The following ADGRL3 variants were observed in gnomAD, a reference collection of about 807,000 sequenced individuals.
The protein encoded by ADGRL3 is calcium-independent alpha-latrotoxin receptor 3.
A neutral mutation model predicts 153.5 loss-of-function variants in ADGRL3; 62 were observed. The ratio of observed to expected loss-of-function variants is 0.40; its 90% CI spans 0.33 to 0.50. The LOEUF is 0.50. Ranked by LOEUF, ADGRL3 falls within the 20% of genes least tolerant of loss-of-function variation. ADGRL3 has a pLI of 0.47. For synonymous variants in ADGRL3, 710 were observed against 672.5 expected (o/e 1.06, Z -0.86); for missense variants, 1,641 against 1,859.4 (o/e 0.88, Z 2.16).
intron 9 of ADGRL3, among the ~76,000 whole-genome samples, chr4:61,889,063 C>A (rs2098555016): frequency 6.6e-6 from 1 of 152,190 alleles, no homozygotes; most frequent in Non-Finnish European, 1.5e-5. Context: ...ATACTATATT[C>A]TCCACTGCCT....
At chr4:61,421,070 GGAGGCCGAGGTGGGTGGATCACCT>G (rs1186207050) in intron 2 of ADGRL3, among the ~76,000 whole-genome samples, 5 of 152,214 alleles carry the variant, frequency 3.3e-5, no homozygotes, top group Admixed American at 6.5e-5. Flanking sequence ...CAGCACTTTG[GGAGGCCGAGGTGGGTGGATCACCT>G]GAGGCCGAGG....
At chr4:61,650,983 G>T (rs1212425706) in intron 5 of ADGRL3, among the ~76,000 whole-genome samples, 3 of 152,010 alleles carry the variant, frequency 2.0e-5, no homozygotes, top group African/African-American at 7.2e-5. Flanking sequence ...AAGAATAATG[G>T]AAAATAGTAA....
intron 2 of ADGRL3, among the ~76,000 whole-genome samples, chr4:61,477,174 C>T (rs950208126): frequency 9.2e-5 from 14 of 151,996 alleles, no homozygotes; most frequent in Non-Finnish European, 1.5e-4. Context: ...ATTCAAATTA[C>T]GTAAAATCAA....
intron 9 of ADGRL3, among the ~76,000 whole-genome samples, chr4:61,814,840 G>A (rs2097670508): frequency 1.3e-5 from 2 of 152,050 alleles, no homozygotes; most frequent in African/African-American, 4.8e-5. Context: ...ATGTGCACGT[G>A]TCAGTTTTCC....
chr4:61,709,773 C>G (rs2095931823), intron 6 of ADGRL3, among the ~76,000 whole-genome samples: 1 of 151,958 alleles, frequency 6.6e-6, no homozygotes, highest in South Asian at 2.1e-4. Context: ...TGTATTCTGC[C>G]AGTAGTAGTT....
intron 5 of ADGRL3, among the ~76,000 whole-genome samples, chr4:61,592,991 C>A (rs1406974943): frequency 6.6e-6 from 1 of 152,024 alleles, no homozygotes. Flanking sequence ...CTTGCTTTTT[C>A]TTTTCTGTGT....
intron 2 of ADGRL3, among the ~76,000 whole-genome samples, chr4:61,416,489 T>A: frequency 6.6e-6 from 1 of 152,200 alleles, no homozygotes; most frequent in East Asian, 1.9e-4. Flanking sequence ...AAAAGGACAG[T>A]TGAACATTAA....
Position 62,071,044 on chromosome 4 carries a change from A to C in ADGRL3, c.*136A>C. 1 of 789,150 alleles carries C rather than the reference A, an allele frequency of 1.3e-6. No individual in the cohort carries two copies. Among genetic ancestry groups the C allele is most frequent in the Non-Finnish European group, 1.9e-6 (1 of 520,344 alleles). 48.9% of individuals were successfully genotyped at this position (789,150 alleles called of 1,614,324 possible). A position where few individuals can be genotyped will look rare whatever the true frequency, so the allele number is the denominator to read the frequency against. On this transcript the variant is annotated 3_prime_UTR_variant, in exon 27 of 27. Coordinates refer to ENST00000683033, the MANE Select transcript of ADGRL3 (RefSeq NM_001387552.1). ...TCTAAAGACAAACACAAACTCTCAG[A>C]CTTTTTTTTTTTTAATGGGATTTTT...
At chr4:61,244,441 T>C (rs1756243270) in intron 1 of ADGRL3, among the ~76,000 whole-genome samples, 1 of 152,048 alleles carries the variant, frequency 6.6e-6, no homozygotes, top group African/African-American at 2.4e-5. Flanking sequence ...AACTGATCTT[T>C]CTCTTTCCTC....
chr4:61,931,939 T>G lies in ADGRL3; in HGVS notation c.2113-2901T>G, dbSNP rs74942539. 4.9e-3 allele frequency among the ~76,000 whole-genome samples: 752 copies of G among 152,226 alleles called. 6 individuals carry two copies. The highest frequency in any genetic ancestry group is 9.0e-3 in the Non-Finnish European group (610 of 67,982). On this transcript the variant is annotated intron_variant, in intron 13 of 26. Coordinates refer to ENST00000683033, the MANE Select transcript of ADGRL3 (RefSeq NM_001387552.1). ...CCATCAGTTCAAAGACATACAAAGT[T>G]TTTTAGATAAAGCAGTCTGTTGTAA...
At chr4:61,372,165 T>C (rs931764614) in intron 1 of ADGRL3, among the ~76,000 whole-genome samples, 1 of 152,036 alleles carries the variant, frequency 6.6e-6, no homozygotes, top group Non-Finnish European at 1.5e-5. Context: ...CTTCTTTTCC[T>C]TTGGTTTGAA....
intron 2 of ADGRL3, among the ~76,000 whole-genome samples, chr4:61,442,379 G>A (rs1057168686): frequency 2.0e-5 from 3 of 152,280 alleles, no homozygotes; most frequent in African/African-American, 7.2e-5. Context: ...ATGACTAGAC[G>A]TTAGTTTGAA....
chr4:61,662,344 T>C (rs773148027), intron 5 of ADGRL3, among the ~76,000 whole-genome samples: 1 of 152,238 alleles, frequency 6.6e-6, no homozygotes, highest in African/African-American at 2.4e-5. Context: ...CCTTTGCCCC[T>C]GCAGGCTTAG....
chr4:61,482,926 A>G (rs191022800), intron 2 of ADGRL3, among the ~76,000 whole-genome samples: 2 of 152,276 alleles, frequency 1.3e-5, no homozygotes, highest in East Asian at 3.9e-4. Context: ...ATATCTTGCA[A>G]CCTAATGGGA....
chr4:61,617,845 A>G (rs1299038461), intron 5 of ADGRL3, among the ~76,000 whole-genome samples: 2 of 152,222 alleles, frequency 1.3e-5, no homozygotes, highest in Non-Finnish European at 2.9e-5. Flanking sequence ...CTACTTGAAT[A>G]TCTATCTGCT....
At chr4:62,061,630 C>T (rs1294235006) in intron 25 of ADGRL3, among the ~76,000 whole-genome samples, 1 of 152,008 alleles carries the variant, frequency 6.6e-6, no homozygotes, top group African/African-American at 2.4e-5. Flanking sequence ...CCATCTTTCA[C>T]CCCTGGCAAC....
chr4:61,608,677 A>G (rs900247320), intron 5 of ADGRL3, among the ~76,000 whole-genome samples: 7 of 152,200 alleles, frequency 4.6e-5, no homozygotes, highest in Non-Finnish European at 8.8e-5. Flanking sequence ...TTGTTTTCTA[A>G]ATATGTCTCT....
chr4:61,652,186 A>G (rs1393894057), intron 5 of ADGRL3, among the ~76,000 whole-genome samples: 2 of 152,000 alleles, frequency 1.3e-5, no homozygotes, highest in African/African-American at 4.8e-5. Context: ...AGATAACTTC[A>G]TCAGAATATC....
At chr4:61,536,213 T>C (rs180755922) in intron 4 of ADGRL3, among the ~76,000 whole-genome samples, 124 of 152,170 alleles carry the variant, frequency 8.1e-4, no homozygotes, top group African/African-American at 2.8e-3. Context: ...GTGGAACTGG[T>C]TTCTAATGTT....
Sources: allele counts gnomAD v4.1 joint callset (sites outside exome capture counted in the v4.1 genomes callset), GRCh38; gene constraint gnomAD v4.1.1; transcripts MANE v1.5; gene names NCBI Gene and HGNC (gene_info 2026-07-23, HGNC 2026-07-21).